NRBP1: variants seen among roughly 807,000 people sequenced by gnomAD.
NRBP1 encodes nuclear receptor binding protein 1.
NRBP1 carries 10 observed loss-of-function variants against 76.0 expected under a neutral mutation model. The ratio of observed to expected loss-of-function variants is 0.13; its 90% CI spans 0.08 to 0.22. The LOEUF (loss-of-function observed/expected upper bound fraction) is 0.22. Among genes scored for constraint, NRBP1 ranks in the 10% least tolerant of loss-of-function variants. NRBP1 has a pLI of 1.00. For missense variants in NRBP1, 344 were observed against 646.0 expected, an observed-to-expected ratio of 0.53 and a Z score of 5.07; for synonymous variants, 235 against 240.2, an observed-to-expected ratio of 0.98 and a Z score of 0.20.
intron 1 of NRBP1, among the ~76,000 whole-genome samples, chr2:27,430,740 G>A (rs138371306): frequency 0.011 from 1,608 of 152,210 alleles, 27 homozygotes; most frequent in African/African-American, 0.037. Flanking sequence ...GATTACAGGC[G>A]TGGGCCAGCT....
At chr2:27,430,569 A>G (rs1295342861) in intron 1 of NRBP1, among the ~76,000 whole-genome samples, 1 of 151,308 alleles carries the variant, frequency 6.6e-6, no homozygotes, top group Admixed American at 6.6e-5. Flanking sequence ...CCTGAGTTCA[A>G]GTGATTCTCG....
chr2:27,437,490 TAA>T, intron 10 of NRBP1, 130 bp downstream of exon 10: 1 of 692,972 alleles, frequency 1.4e-6, no homozygotes, highest in South Asian at 1.8e-5. Flanking sequence ...GAAAAATCTA[TAA>T]ACATTTTCTT....
rs1025725857 is a variant in NRBP1 at position 27,435,691 on chromosome 2, C to T, written c.661+464C>T. On this transcript the variant is annotated intron_variant, in intron 7 of 17. Transcript: ENST00000379852. ...TCACAACTTTTCTCTGTTTTCCTCC[C>T]TCCCGCTTACGGGCTGCTCTGTTCC... The T allele has an allele frequency of 1.1e-5, 8 of 717,710 alleles. No homozygotes were observed. The Admixed American group carries it at 1.4e-4, about 13-fold the overall frequency. The allele number at this position is 717,710 out of a possible 1,614,324, so 44.5% of individuals were successfully genotyped here. A position where few individuals can be genotyped will look rare whatever the true frequency, so the allele number is the denominator to read the frequency against.
chr2:27,428,472 C>T, upstream of NRBP1: 5 of 393,442 alleles, frequency 1.3e-5, no homozygotes, highest in Non-Finnish European at 2.2e-5. Flanking sequence ...AGGTCTCGGC[C>T]GGACCGGCGC....
In NRBP1 at chr2:27,433,273, C is replaced by T. The variant is rs777709704; in HGVS notation, c.-1C>T. On this transcript the variant is annotated 5_prime_UTR_variant, in exon 2 of 18. Coordinates refer to ENST00000379852, the MANE Select transcript of NRBP1 (RefSeq NM_013392.4). Reference sequence around the variant, plus strand: ...GTGCAGGCCTGAGTGTTCCTTCCAGCATGTCGGAGGGGGAGTCCCAGACAG... The same window carrying T: ...GTGCAGGCCTGAGTGTTCCTTCCAGTATGTCGGAGGGGGAGTCCCAGACAG... The T allele has an allele frequency of 3.1e-6, 5 of 1,613,212 alleles. No homozygotes were observed. The East Asian group carries it at 6.7e-5, about 22-fold the overall frequency.
At position 27,433,303 on chromosome 2, in the gene NRBP1, T is replaced by C. The variant is rs1664177734; in HGVS notation, c.30T>C (p.Leu10=). The C allele has an allele frequency of 1.9e-6, 3 of 1,614,124 alleles. No individual in the cohort carries two copies. Among genetic ancestry groups the C allele is most frequent in the African/African-American group, 1.3e-5 (1 of 75,058 alleles). Residue 10 remains leucine (L), a synonymous_variant, in exon 2 of 18, where the codon CTT becomes CTC. Coordinates refer to ENST00000379852, the MANE Select transcript of NRBP1 (RefSeq NM_013392.4). MSEGESQTV[L]SSGSDPKVES... ...CGGAGGGGGAGTCCCAGACAGTACT[T>C]AGCAGTGGCTCAGACCCAAAGGTAG... is the stretch of plus-strand genomic sequence containing the variant.
chr2:27,441,589 G>T lies in NRBP1; in HGVS notation c.1470G>T (p.Ala490=). ...LMPNENIPEL[A]AELVQLGFIS... ...CAGATGAGAATATCCCCGAGTTGGCGGCTGAGCTGGTGCAGCTGGGCTTCA... is the reference window on the plus strand; with the variant it reads ...CAGATGAGAATATCCCCGAGTTGGCTGCTGAGCTGGTGCAGCTGGGCTTCA... Residue 490 remains alanine (A), a synonymous_variant, in exon 17 of 18, where the codon GCG becomes GCT. Coordinates refer to ENST00000379852, the MANE Select transcript of NRBP1 (RefSeq NM_013392.4). 6.2e-7 allele frequency: 1 copy of T among 1,614,010 alleles called. No individual in the cohort carries two copies. Among genetic ancestry groups the T allele is most frequent in the Non-Finnish European group, 8.5e-7 (1 of 1,180,004 alleles).
At chr2:27,438,782 A>G (rs1392399154) in intron 10 of NRBP1, among the ~76,000 whole-genome samples, 1 of 152,120 alleles carries the variant, frequency 6.6e-6, no homozygotes, top group Non-Finnish European at 1.5e-5. Context: ...CAACGTGGTA[A>G]AACCCTATCT....
At chr2:27,428,850 C>A in intron 1 of NRBP1, 119 bp downstream of exon 1, 1 of 397,768 alleles carries the variant, frequency 2.5e-6, no homozygotes, top group South Asian at 1.3e-4. Context: ...CGGCCCTGCT[C>A]ACTCAGTAGC....
At position 27,434,003 on chromosome 2, in the gene NRBP1, T is replaced by C. The variant is rs1227988197; in HGVS notation, c.348T>C (p.Ala116=). 6.2e-7 allele frequency: 1 copy of C among 1,613,992 alleles called. No individual in the cohort carries two copies. The highest frequency in any genetic ancestry group is 8.5e-7 in the Non-Finnish European group (1 of 1,179,966). Residue 116 remains alanine, a synonymous_variant, in exon 4 of 18, where the codon GCT becomes GCC. Coordinates refer to ENST00000379852, the MANE Select transcript of NRBP1 (RefSeq NM_013392.4). ...CTTGCTTTCAGGAAAAGGTTCGTGC[T>C]GTGTTTGATAATCTGATTCAATTGG... ...NYKLQEEKVR[A]VFDNLIQLEH... is the part of the protein sequence containing the mutation.
At position 27,441,297 on chromosome 2, in the gene NRBP1, C is replaced by T. The variant is rs546007305; in HGVS notation, c.1414C>T (p.Leu472=). The change falls in exon 16 of 18, where the codon CTG becomes TTG. Residue 472 remains leucine, a synonymous_variant. Coordinates refer to ENST00000379852, the MANE Select transcript of NRBP1 (RefSeq NM_013392.4). ...LTLLLKLEDK[L]NRHLSCDLMP... Reference sequence around the variant, plus strand: ...ACTTCTGCTGAAGTTGGAGGACAAACTGAACCGGCACCTGAGCTGTGACCT... The same window carrying T: ...ACTTCTGCTGAAGTTGGAGGACAAATTGAACCGGCACCTGAGCTGTGACCT... The T allele has an allele frequency of 1.9e-6, 3 of 1,614,158 alleles. No homozygotes were observed. Among genetic ancestry groups the T allele is most frequent in the Non-Finnish European group, 2.5e-6 (3 of 1,180,014 alleles).
Position 27,434,527 on chromosome 2 carries a change from G to A in NRBP1, c.492G>A (p.Lys164=). The change falls in exon 5 of 18, where the codon AAG becomes AAA. Residue 164 remains lysine (K), a synonymous_variant. Coordinates refer to ENST00000379852, the MANE Select transcript of NRBP1 (RefSeq NM_013392.4). ...SSGSLKQFLK[K]TKKNHKTMNE... ...GGAGTCTGAAGCAATTTCTGAAGAA[G>A]ACCAAAAAGAACCACAAGACGATGA... is the stretch of plus-strand genomic sequence containing the variant. The A allele has an allele frequency of 6.2e-7, 1 of 1,614,102 alleles. No individual in the cohort carries two copies.
intron 7 of NRBP1, 168 bp from the exon 8 acceptor site, chr2:27,436,585 T>G: frequency 1.6e-6 from 1 of 606,162 alleles, no homozygotes; most frequent in Non-Finnish European, 3.0e-6. Context: ...GTAGGTGGCA[T>G]CCATGTGTGG....
upstream of NRBP1, chr2:27,427,858 T>C (rs1392248928): frequency 6.6e-6 from 1 of 152,234 alleles, no homozygotes; most frequent in African/African-American, 2.4e-5. Context: ...CGCAGATTAA[T>C]AGCTCACCAA....
At chr2:27,429,889 C>T (rs1459038258) in intron 1 of NRBP1, among the ~76,000 whole-genome samples, 3 of 152,124 alleles carry the variant, frequency 2.0e-5, no homozygotes, top group Admixed American at 6.6e-5. Flanking sequence ...ACTGTTATTT[C>T]CTACTGTAGT....
chr2:27,438,077 C>T lies in NRBP1; in HGVS notation c.903+717C>T, dbSNP rs567795649. On this transcript the variant is annotated intron_variant, in intron 10 of 17. Coordinates refer to ENST00000379852, the MANE Select transcript of NRBP1 (RefSeq NM_013392.4). ...TGGTGTGTGCCTGTAGTCTCACCTA[C>T]TCGGGAGGCTGAGGCAAGCTTGAAC... 2.0e-5 allele frequency among the ~76,000 whole-genome samples: 3 copies of T among 149,842 alleles called. No individual in the cohort carries two copies. In the South Asian group the frequency reaches 6.4e-4, roughly 32 times the overall value.
intron 11 of NRBP1, 142 bp from the exon 12 acceptor site, chr2:27,440,261 G>A (rs570865334): frequency 1.8e-5 from 12 of 656,980 alleles, no homozygotes; most frequent in Middle Eastern, 7.4e-4. Context: ...TGTCCGCCTC[G>A]GCTTCCCAAA....
chr2:27,440,582 T>A, intron 12 of NRBP1, 70 bp from the exon 13 acceptor site: 1 of 1,606,262 alleles, frequency 6.2e-7, no homozygotes, highest in Non-Finnish European at 8.5e-7. Flanking sequence ...CTGTCCATTC[T>A]CTGGGAATGC....
intron 8 of NRBP1, 87 bp downstream of exon 8, chr2:27,436,923 C>T: frequency 1.4e-6 from 2 of 1,443,056 alleles, no homozygotes; most frequent in Admixed American, 1.8e-5. Context: ...ATAACTGAAA[C>T]TTCTAGGCCT....
Sources: allele counts gnomAD v4.1 joint callset (sites outside exome capture counted in the v4.1 genomes callset), GRCh38; gene constraint gnomAD v4.1.1; transcripts MANE v1.5; gene names NCBI Gene and HGNC (gene_info 2026-07-23, HGNC 2026-07-21).